HTR2C: variants seen among roughly 807,000 people sequenced by gnomAD.
The protein encoded by HTR2C is 5-hydroxytryptamine (serotonin) receptor 2C, G protein-coupled.
A neutral mutation model predicts 21.0 loss-of-function variants in HTR2C; 5 were observed. The ratio of observed to expected loss-of-function variants is 0.24; its 90% CI spans 0.12 to 0.50. The LOEUF (loss-of-function observed/expected upper bound fraction) is 0.50, where lower values mean the gene tolerates loss of function less well. Among genes scored for constraint, HTR2C ranks in the 20% least tolerant of loss-of-function variants. The pLI, the probability that HTR2C is intolerant of heterozygous loss-of-function variation, is 0.98. For synonymous variants in HTR2C, 150 were observed against 145.3 expected (o/e 1.03, Z -0.23); for missense variants, 271 against 371.2 (o/e 0.73, Z 2.22).
chrX:114,714,793 A>G (rs1253875350), intron 2 of HTR2C, among the ~76,000 whole-genome samples: 2 of 111,671 alleles, frequency 1.8e-5, no homozygotes, highest in Non-Finnish European at 3.8e-5. Flanking sequence ...GGATGAAAAC[A>G]GTGAGGCTCA....
At chrX:114,701,104 A>C (rs951508940) in intron 2 of HTR2C, among the ~76,000 whole-genome samples, 1 of 112,138 alleles carries the variant, frequency 8.9e-6, no homozygotes, top group Non-Finnish European at 1.9e-5. Context: ...GGCCTGCCTG[A>C]CTCTGTAGGC....
chrX:114,788,174 G>A (rs187370540), intron 4 of HTR2C, among the ~76,000 whole-genome samples: 1 of 110,662 alleles, frequency 9.0e-6, no homozygotes, highest in Non-Finnish European at 1.9e-5. Context: ...TTCTATCTCC[G>A]GACCAACTAC....
chrX:114,683,469 A>C (rs909009658), intron 2 of HTR2C, among the ~76,000 whole-genome samples: 1 of 110,783 alleles, frequency 9.0e-6, no homozygotes, highest in African/African-American at 3.3e-5. Flanking sequence ...CTCATCATCC[A>C]TAAAACTTAG....
intron 4 of HTR2C, among the ~76,000 whole-genome samples, chrX:114,793,755 A>G (rs1312421333): frequency 3.6e-5 from 4 of 109,899 alleles, no homozygotes; most frequent in Non-Finnish European, 5.7e-5. Context: ...CCATCCATCC[A>G]TCCATCCATT....
At chrX:114,851,977 C>T (rs2070921423) in intron 5 of HTR2C, among the ~76,000 whole-genome samples, 1 of 111,182 alleles carries the variant, frequency 9.0e-6, no homozygotes, top group Non-Finnish European at 1.9e-5. Context: ...CAGTGAGTAA[C>T]TTTGTCCCCA....
intron 2 of HTR2C, among the ~76,000 whole-genome samples, chrX:114,616,541 C>A (rs782698546): frequency 9.0e-6 from 1 of 111,397 alleles, no homozygotes; most frequent in Non-Finnish European, 1.9e-5. Flanking sequence ...ACAGCCTCGG[C>A]CTCCCAAATT....
At chrX:114,648,140 T>C (rs1930429417) in intron 2 of HTR2C, among the ~76,000 whole-genome samples, 1 of 111,526 alleles carries the variant, frequency 9.0e-6, no homozygotes, top group Admixed American at 9.5e-5. Flanking sequence ...AAAAGTATGA[T>C]CTAATGTAAT....
chrX:114,702,594 C>T (rs782536442), intron 2 of HTR2C, among the ~76,000 whole-genome samples: 50 of 111,435 alleles, frequency 4.5e-4, no homozygotes, highest in Middle Eastern at 4.6e-3. Context: ...CGGTACCAGC[C>T]GCTGCAAAAT....
intron 2 of HTR2C, among the ~76,000 whole-genome samples, chrX:114,723,519 G>C (rs1356687362): frequency 2.7e-5 from 3 of 109,746 alleles, no homozygotes; most frequent in East Asian, 2.9e-4. Flanking sequence ...ATTTCCTTCA[G>C]TTCTGCTCTG....
At chrX:114,623,890 C>T (rs930901398) in intron 2 of HTR2C, among the ~76,000 whole-genome samples, 232 of 93,749 alleles carry the variant, frequency 2.5e-3, no homozygotes, top group African/African-American at 8.3e-3. Context: ...TACAAGTTGT[C>T]TCTTTTTTTG....
chrX:114,806,191 A>C (rs2070428157), intron 4 of HTR2C, among the ~76,000 whole-genome samples: 2 of 99,961 alleles, frequency 2.0e-5, no homozygotes, highest in Admixed American at 1.1e-4. Flanking sequence ...TATATACACC[A>C]TATATATACC....
chrX:114,743,803 A>G (rs1234203555), intron 4 of HTR2C, among the ~76,000 whole-genome samples: 1 of 112,348 alleles, frequency 8.9e-6, no homozygotes, highest in Non-Finnish European at 1.9e-5. Flanking sequence ...AAGGAAAACC[A>G]TGCCCAGACA....
chrX:114,650,842 C>T lies in HTR2C; in HGVS notation c.-80+36961C>T, dbSNP rs782811324. Reference sequence around the variant, plus strand: ...TATTGAATCTTAAATCTAGTCAGGGCTGTCGAATTGAACAGTGAGGTAGAG... The same window carrying T: ...TATTGAATCTTAAATCTAGTCAGGGTTGTCGAATTGAACAGTGAGGTAGAG... On this transcript the variant is annotated intron_variant, in intron 2 of 5. Coordinates refer to ENST00000276198, the MANE Select transcript of HTR2C (RefSeq NM_000868.4). Among the ~76,000 whole-genome samples, 13 of 111,403 alleles carry T rather than the reference C, an allele frequency of 1.2e-4. No individual in the cohort carries two copies. The South Asian group carries it at 4.5e-3, about 39-fold the overall frequency.
intron 2 of HTR2C, among the ~76,000 whole-genome samples, chrX:114,666,797 T>TA (rs1333058901): frequency 8.9e-6 from 1 of 111,805 alleles, no homozygotes; most frequent in Non-Finnish European, 1.9e-5. Context: ...TAAATAGCAA[T>TA]ATTGGATCTT....
chrX:114,775,058 G>A, intron 4 of HTR2C: 1 of 487,558 alleles, frequency 2.1e-6, no homozygotes, highest in Admixed American at 2.6e-5. Context: ...AACTTGTCCA[G>A]AATCTTCTGT....
chrX:114,859,201 C>G (rs1418052212), intron 5 of HTR2C, among the ~76,000 whole-genome samples: 1 of 110,500 alleles, frequency 9.0e-6, no homozygotes, highest in Non-Finnish European at 1.9e-5. Context: ...TCCCTTTTGA[C>G]CTACCTTATA....
At chrX:114,729,826 T>C (rs1224558896) in intron 3 of HTR2C, among the ~76,000 whole-genome samples, 3 of 111,312 alleles carry the variant, frequency 2.7e-5, no homozygotes, top group Non-Finnish European at 5.7e-5. Flanking sequence ...ACACATAGAC[T>C]CTGAATGTTA....
chrX:114,698,187 G>A (rs1556416123), intron 2 of HTR2C, among the ~76,000 whole-genome samples: 3 of 111,867 alleles, frequency 2.7e-5, no homozygotes, highest in Non-Finnish European at 5.6e-5. Context: ...TCACTTATAA[G>A]CCAGAGAACA....
intron 2 of HTR2C, among the ~76,000 whole-genome samples, chrX:114,675,047 T>C (rs1931504858): frequency 8.9e-6 from 1 of 112,467 alleles, no homozygotes; most frequent in African/African-American, 3.2e-5. Flanking sequence ...TACCTTTTGC[T>C]TCTACATTGT....
Sources: gnomAD v4.1 joint callset for allele counts (sites outside exome capture counted in the v4.1 genomes callset) on GRCh38, gnomAD v4.1.1 for gene constraint, MANE v1.5 for transcripts, NCBI Gene and HGNC (gene_info 2026-07-23, HGNC 2026-07-21) for gene names.